MYH16: variants seen among roughly 807,000 people sequenced by gnomAD.
MYH16 encodes the protein putative uncharacterized protein MYH16.
chr7:99,239,606 G>A (rs1436014368), intron 1 of MYH16, among the ~76,000 whole-genome samples: 2 of 152,176 alleles, frequency 1.3e-5, no homozygotes, highest in Admixed American at 6.6e-5. Context: ...ATGATGGCTT[G>A]CAGGGACTCA....
At chr7:99,297,763 G>A (rs543177626) in exon 35 of MYH16, 4 of 456,240 alleles carry the variant, frequency 8.8e-6, no homozygotes, top group Non-Finnish European at 1.8e-5. Flanking sequence ...AAGAACTCCA[G>A]GTGGCCCTGG....
chr7:99,283,401 T>C (rs536495117), intron 23 of MYH16, among the ~76,000 whole-genome samples, 164 bp from the exon 6 acceptor site: 2 of 152,294 alleles, frequency 1.3e-5, no homozygotes, highest in East Asian at 3.9e-4. Flanking sequence ...TGCTCTGGCC[T>C]TACCCAGCGC....
exon 14 of MYH16, chr7:99,263,438 C>T (rs1165462578): frequency 6.5e-6 from 1 of 152,958 alleles, no homozygotes; most frequent in Non-Finnish European, 1.5e-5. Flanking sequence ...TGGCCCTTCT[C>T]TTCAAAGAAG....
chr7:99,292,031 A>G (rs1228974020), intron 31 of MYH16, among the ~76,000 whole-genome samples: 2 of 152,254 alleles, frequency 1.3e-5, no homozygotes, highest in Admixed American at 1.3e-4. Flanking sequence ...TCAAAGGAAT[A>G]CAAAAAGTAT....
intron 18 of MYH16, among the ~76,000 whole-genome samples, chr7:99,269,818 G>A (rs969425985): frequency 1.6e-4 from 24 of 148,318 alleles, no homozygotes; most frequent in Non-Finnish European, 3.1e-4. Flanking sequence ...AATTTCTCTA[G>A]AACAAAGTTC....
At chr7:99,307,931 G>T (rs1792704530), downstream of MYH16, among the ~76,000 whole-genome samples, 1 of 151,948 alleles carries the variant, frequency 6.6e-6, no homozygotes. Flanking sequence ...GGCCAGGATG[G>T]TCTCAGTCTC....
chr7:99,281,912 C>T (rs1308472870), intron 23 of MYH16, among the ~76,000 whole-genome samples: 3 of 152,200 alleles, frequency 2.0e-5, no homozygotes, highest in Non-Finnish European at 4.4e-5. Flanking sequence ...CCCCTGAGTG[C>T]CTCTCCCTGC....
intron 32 of MYH16, 134 bp from the exon 14 acceptor site, chr7:99,293,884 A>T: frequency 3.1e-6 from 1 of 326,120 alleles, no homozygotes; most frequent in Non-Finnish European, 6.1e-6. Context: ...CTGTCCTGTA[A>T]ACACTCTGCA....
In MYH16 at chr7:99,303,658, C is replaced by T. The variant is rs74320116; in HGVS notation, n.5263+468C>T. ...TCTACTAAAAATGTTAAAAATTAGC[C>T]GGGCATCATGGCATGTGCCTGTAGT... On this transcript the variant is annotated intron_variant and non_coding_transcript_variant, in intron 39 of 41. Coordinates refer to ENST00000439784, the Ensembl canonical transcript of MYH16. Among the ~76,000 whole-genome samples the T allele has an allele frequency of 2.6e-5, 4 of 152,256 alleles. No homozygotes were observed. The East Asian group carries it at 5.8e-4, about 22-fold the overall frequency.
chr7:99,255,540 C>T (rs1425049634), intron 8 of MYH16: 3 of 152,592 alleles, frequency 2.0e-5, no homozygotes, highest in African/African-American at 7.2e-5. Flanking sequence ...AGAAGAAAAC[C>T]ACATGTCACC....
At chr7:99,254,959 A>T (rs747503439) in intron 8 of MYH16, among the ~76,000 whole-genome samples, 13 of 152,014 alleles carry the variant, frequency 8.6e-5, no homozygotes, top group Non-Finnish European at 1.6e-4. Context: ...ATTTAGCAAG[A>T]CCCTGTCTCT....
chr7:99,284,664 T>C (rs1792252059), intron 25 of MYH16, among the ~76,000 whole-genome samples, 181 bp from the exon 8 acceptor site: 1 of 151,980 alleles, frequency 6.6e-6, no homozygotes, highest in Admixed American at 6.6e-5. Context: ...CATTCAGGGG[T>C]CTAACTGCTC....
chr7:99,249,302 T>A (rs1182681931), intron 4 of MYH16, among the ~76,000 whole-genome samples: 2 of 151,864 alleles, frequency 1.3e-5, no homozygotes, highest in Non-Finnish European at 2.9e-5. Flanking sequence ...ATCCCAGGGC[T>A]TTGGGAGGCT....
intron 20 of MYH16, among the ~76,000 whole-genome samples, chr7:99,276,363 A>G (rs180990485): frequency 1.3e-5 from 2 of 152,336 alleles, no homozygotes; most frequent in South Asian, 4.1e-4. Context: ...TTGACTATGT[A>G]TCTATTGTAT....
Position 99,294,519 on chromosome 7 carries a change from A to AG in MYH16, n.4282+369_4282+370insG, listed in dbSNP as rs1484616382. On this transcript the variant is annotated intron_variant and non_coding_transcript_variant, in intron 33 of 41. Transcript: ENST00000439784. ...CTGTCTCAAAAAAAAAAAAAAAAAAAAAAAAGAAAAAGAAAAAGAAAAAAA... is the reference window on the plus strand; with the variant it reads ...CTGTCTCAAAAAAAAAAAAAAAAAAAGAAAAAGAAAAAGAAAAAGAAAAAAA... Among the ~76,000 whole-genome samples the AG allele has an allele frequency of 2.7e-4, 36 of 131,024 alleles. No homozygotes were observed. In the East Asian group the frequency reaches 3.6e-3, roughly 13 times the overall value. 86.0% of individuals were successfully genotyped at this position (131,024 alleles called of 152,430 possible).
chr7:99,269,624 G>A (rs776446080), intron 18 of MYH16, among the ~76,000 whole-genome samples: 39 of 152,072 alleles, frequency 2.6e-4, no homozygotes, highest in Admixed American at 4.6e-4. Flanking sequence ...CCTGCAGGTC[G>A]TGCTTGGTTT....
intron 37 of MYH16, among the ~76,000 whole-genome samples, chr7:99,300,649 A>G (rs1792577669): frequency 6.6e-6 from 1 of 152,144 alleles, no homozygotes; most frequent in Non-Finnish European, 1.5e-5. Flanking sequence ...TCCACAAAAA[A>G]TAAAATTAGC....
intron 1 of MYH16, among the ~76,000 whole-genome samples, chr7:99,243,027 A>G (rs1320442724): frequency 7.9e-5 from 12 of 152,208 alleles, no homozygotes; most frequent in African/African-American, 2.9e-4. Flanking sequence ...TTAAGTTCAT[A>G]TAATTCTCCC....
chr7:99,302,895 AG>A (rs1451565930), intron 38 of MYH16, among the ~76,000 whole-genome samples, 169 bp from the exon 20 acceptor site: 22 of 149,164 alleles, frequency 1.5e-4, no homozygotes, highest in African/African-American at 5.5e-4. Context: ...AAAAAAAAAA[AG>A]AAAAAAAAAA....
Sources: gnomAD v4.1 joint callset for allele counts (sites outside exome capture counted in the v4.1 genomes callset) on GRCh38, gnomAD v4.1.1 for gene constraint, MANE v1.5 for transcripts, NCBI Gene and HGNC (gene_info 2026-07-23, HGNC 2026-07-21) for gene names.